Variants in ANKRD6 observed in about 807,000 individuals in gnomAD.
ANKRD6 encodes ankyrin repeat domain 6, also known as ankyrin repeat domain-containing protein 6.
ANKRD6 carries 56 observed loss-of-function variants against 82.3 expected under a neutral mutation model. The ratio of observed to expected loss-of-function variants is 0.68; its 90% confidence interval spans 0.55 to 0.85. The LOEUF (loss-of-function observed/expected upper bound fraction) is 0.85, where lower values mean the gene tolerates loss of function less well. Among genes scored for constraint, ANKRD6 ranks in the 40% least tolerant of loss-of-function variants. The pLI is 0.00. For synonymous variants in ANKRD6, 347 were observed against 352.1 expected (o/e 0.99, Z 0.16); for missense variants, 852 against 907.6 (o/e 0.94, Z 0.79).
Position 89,632,789 on chromosome 6 carries a change from T to G in ANKRD6, c.*1785T>G, listed in dbSNP as rs1051704576. The stretch of plus-strand genomic sequence containing the variant: ...AATACAGAATTGTAGAGCTGGAGAG[T>G]ACCTTCAGTTTTCTAAATCTATTCT... On this transcript the variant is annotated 3_prime_UTR_variant, in exon 16 of 16. Transcript: ENST00000339746. 1.3e-5 allele frequency: 2 copies of G among 152,158 alleles called. No individual in the cohort carries two copies. Among genetic ancestry groups the G allele is most frequent in the Non-Finnish European group, 2.9e-5 (2 of 68,030 alleles). 9.4% of individuals were successfully genotyped at this position (152,158 alleles called of 1,614,324 possible). A position where few individuals can be genotyped will look rare whatever the true frequency, so the allele number is the denominator to read the frequency against.
Position 89,603,112 on chromosome 6 carries a change from G to A in ANKRD6, c.303G>A (p.Leu101=). 6.2e-7 allele frequency: 1 copy of A among 1,603,878 alleles called. No individual in the cohort carries two copies. The highest frequency in any genetic ancestry group is 8.5e-7 in the Non-Finnish European group (1 of 1,175,634). The change falls in exon 4 of 16, where the codon CTG becomes CTA. Residue 101 remains leucine (L), a synonymous_variant. Transcript: ENST00000339746. ...CGCTCATCCACGAAGGGTGTGCCCT[G>A]GACAGACAAGACAAGGTGAGTGGAC... ...IAALIHEGCA[L]DRQDKDGNTA... is the part of the protein sequence containing the mutation.
At chr6:89,528,646 C>A (rs892692146) in intron 1 of ANKRD6, among the ~76,000 whole-genome samples, 1 of 152,194 alleles carries the variant, frequency 6.6e-6, no homozygotes, top group Non-Finnish European at 1.5e-5. Context: ...GAAGCCTTTC[C>A]GGAAGGTTTT....
At chr6:89,542,656 C>T (rs1784576261) in intron 1 of ANKRD6, among the ~76,000 whole-genome samples, 1 of 152,190 alleles carries the variant, frequency 6.6e-6, no homozygotes, top group African/African-American at 2.4e-5. Flanking sequence ...AGTATCTACT[C>T]TTTGCAAAAC....
At chr6:89,474,680 G>C (rs991710268) in intron 1 of ANKRD6, among the ~76,000 whole-genome samples, 1 of 152,174 alleles carries the variant, frequency 6.6e-6, no homozygotes, top group African/African-American at 2.4e-5. Context: ...GCCTCCCAAA[G>C]TGCTGGGATT....
intron 2 of ANKRD6, among the ~76,000 whole-genome samples, chr6:89,570,317 T>TC (rs1472229748): frequency 6.6e-6 from 1 of 152,140 alleles, no homozygotes; most frequent in African/African-American, 2.4e-5. Context: ...CTCCTCAGCC[T>TC]CCCAAAGTAT....
At chr6:89,578,247 T>TAGCAAGGA (rs1201823117) in intron 2 of ANKRD6, among the ~76,000 whole-genome samples, 21 of 151,316 alleles carry the variant, frequency 1.4e-4, no homozygotes, top group Middle Eastern at 3.5e-3. Flanking sequence ...ATTGGCTGCC[T>TAGCAAGGA]AGCAAGGAAG....
intron 2 of ANKRD6, among the ~76,000 whole-genome samples, chr6:89,592,184 C>G (rs1406993277): frequency 6.6e-6 from 1 of 152,160 alleles, no homozygotes; most frequent in African/African-American, 2.4e-5. Flanking sequence ...GGAAGAGATC[C>G]AACTCTTCAC....
Position 89,473,066 on chromosome 6 carries a change from A to G in ANKRD6, c.-144+39691A>G, listed in dbSNP as rs562280008. Reference sequence around the variant, plus strand: ...CCTTGCCTATACCTTTTAATCTTACATAGCCATTGCTGTAGGTCTAGAGAA... The same window carrying G: ...CCTTGCCTATACCTTTTAATCTTACGTAGCCATTGCTGTAGGTCTAGAGAA... On this transcript the variant is annotated intron_variant, in intron 1 of 15. Coordinates refer to ENST00000339746, the MANE Select transcript of ANKRD6 (RefSeq NM_001242809.2). Among the ~76,000 whole-genome samples, 4 of 152,218 alleles carry G rather than the reference A, an allele frequency of 2.6e-5. No individual in the cohort carries two copies. In the East Asian group the frequency reaches 7.7e-4, roughly 29 times the overall value.
At chr6:89,545,332 A>G (rs1219632900) in intron 1 of ANKRD6, among the ~76,000 whole-genome samples, 2 of 152,258 alleles carry the variant, frequency 1.3e-5, no homozygotes, top group South Asian at 2.1e-4. Flanking sequence ...CGCAAGTATC[A>G]GGGTGGTTCC....
chr6:89,552,656 G>A (rs1408210043), intron 1 of ANKRD6, among the ~76,000 whole-genome samples: 1 of 152,174 alleles, frequency 6.6e-6, no homozygotes, highest in African/African-American at 2.4e-5. Flanking sequence ...TATTTAGTGA[G>A]TGCTTTTTCT....
chr6:89,569,237 A>G (rs1195579208), intron 2 of ANKRD6, among the ~76,000 whole-genome samples: 2 of 152,270 alleles, frequency 1.3e-5, no homozygotes, highest in African/African-American at 4.8e-5. Context: ...CTTCGTACCC[A>G]GTAGCTGTCA....
At position 89,623,416 on chromosome 6, in the gene ANKRD6, G is replaced by A. The variant is rs1804392965; in HGVS notation, c.904G>A (p.Val302Ile). Residue 302 changes from valine to isoleucine, a missense_variant, in exon 11 of 16, where the codon GTC (valine) becomes ATC (isoleucine). Coordinates refer to ENST00000339746, the MANE Select transcript of ANKRD6 (RefSeq NM_001242809.2). Reference protein sequence around the residue: ...RDEVAQSKGSVSAGDTPSSEQ... With the variant: ...RDEVAQSKGSISAGDTPSSEQ... Reference sequence around the variant, plus strand: ...GGGCTTTTTCCTTCTGTAGGGCAGTGTCTCAGCAGGAGACACCCCCAGCAG... The same window carrying A: ...GGGCTTTTTCCTTCTGTAGGGCAGTATCTCAGCAGGAGACACCCCCAGCAG... 8.7e-6 allele frequency: 14 copies of A among 1,612,616 alleles called. No individual in the cohort carries two copies. The East Asian group carries it at 2.9e-4, about 33-fold the overall frequency.
chr6:89,595,405 G>A (rs1422760423), intron 2 of ANKRD6, among the ~76,000 whole-genome samples: 1 of 151,882 alleles, frequency 6.6e-6, no homozygotes. Context: ...CAGTCTGGGT[G>A]AGAGAGTCAG....
chr6:89,494,010 A>G (rs1778322646), intron 1 of ANKRD6, among the ~76,000 whole-genome samples: 1 of 152,206 alleles, frequency 6.6e-6, no homozygotes, highest in Admixed American at 6.5e-5. Flanking sequence ...AGGTGTCAAG[A>G]TAGTTGCACT....
At chr6:89,554,059 A>G (rs1159983930) in intron 1 of ANKRD6, among the ~76,000 whole-genome samples, 1 of 152,234 alleles carries the variant, frequency 6.6e-6, no homozygotes, top group African/African-American at 2.4e-5. Flanking sequence ...TGTGATTTTC[A>G]GTGGCTGAGA....
At chr6:89,445,976 T>C (rs528886426) in intron 1 of ANKRD6, among the ~76,000 whole-genome samples, 1 of 152,336 alleles carries the variant, frequency 6.6e-6, no homozygotes, top group South Asian at 2.1e-4. Flanking sequence ...TTGTATGTGT[T>C]CTGGCTGTTC....
intron 1 of ANKRD6, among the ~76,000 whole-genome samples, chr6:89,537,925 A>G (rs916446683): frequency 3.3e-5 from 5 of 151,486 alleles, no homozygotes; most frequent in Non-Finnish European, 7.4e-5. Flanking sequence ...CAAGAATAGT[A>G]TTATATAATG....
At chr6:89,489,942 A>G (rs1016609168) in intron 1 of ANKRD6, among the ~76,000 whole-genome samples, 5 of 152,230 alleles carry the variant, frequency 3.3e-5, no homozygotes, top group Non-Finnish European at 1.5e-5. Context: ...CAGAACTCTT[A>G]GGCCACTTGC....
intron 1 of ANKRD6, among the ~76,000 whole-genome samples, chr6:89,531,853 C>T (rs1234641741): frequency 2.6e-5 from 4 of 152,210 alleles, no homozygotes; most frequent in East Asian, 1.9e-4. Flanking sequence ...TGGCTCATGC[C>T]ATATGGAGAC....
Sources: gnomAD v4.1 joint callset for allele counts (sites outside exome capture counted in the v4.1 genomes callset) on GRCh38, gnomAD v4.1.1 for gene constraint, MANE v1.5 for transcripts, NCBI Gene and HGNC (gene_info 2026-07-23, HGNC 2026-07-21) for gene names.